Variants in ARFGEF3 observed in about 807,000 individuals in gnomAD.
ARFGEF3 encodes ARFGEF family member 3.
A neutral mutation model predicts 221.7 loss-of-function variants in ARFGEF3; 96 were observed. The observed-to-expected ratio is 0.43, with a 90% confidence interval of 0.37 to 0.51. The LOEUF is 0.51. Among genes scored for constraint, ARFGEF3 ranks in the 20% least tolerant of loss-of-function variants. The probability of loss-of-function intolerance (pLI) is 0.00; values close to 1 mark genes in which losing one functional copy is unlikely to be tolerated. For missense variants in ARFGEF3, 2,410 were observed against 2,789.9 expected, an observed-to-expected ratio of 0.86 and a Z score of 3.07; for synonymous variants, 1,145 against 1,126.8, an observed-to-expected ratio of 1.02 and a Z score of -0.32.
intron 24 of ARFGEF3, 24 bp from the exon 25 acceptor site, chr6:138,311,383 C>T (rs767229209): frequency 2.4e-5 from 36 of 1,517,118 alleles, no homozygotes; most frequent in Non-Finnish European, 3.3e-5. Flanking sequence ...CACTGTTGGT[C>T]TCTGTCTCCC....
In ARFGEF3 at chr6:138,334,922, A is replaced by G; in HGVS notation, c.6076A>G (p.Met2026Val). 4 of 1,590,038 alleles carry G rather than the reference A, an allele frequency of 2.5e-6. No individual in the cohort carries two copies. Among genetic ancestry groups the G allele is most frequent in the Middle Eastern group, 1.7e-4 (1 of 6,044 alleles). Residue 2026 changes from methionine (M) to valine (V), a missense_variant, in exon 33 of 34, where the codon ATG becomes GTG. Physicochemically the swap from Met to Val is conservative, Grantham distance 21. Coordinates refer to ENST00000251691, the MANE Select transcript of ARFGEF3 (RefSeq NM_020340.5). This position sits in a 1 kb window ranked among gnomAD's most constrained non-coding sequence, Gnocchi z 5.1. Reference sequence around the variant, plus strand: ...AGCCGACAAGACCATTTCAAAGTTGATGACCGAATACAAAAAGAGGAAACA... The same window carrying G: ...AGCCGACAAGACCATTTCAAAGTTGGTGACCGAATACAAAAAGAGGAAACA... ...MAADKTISKLMTEYKKRKQQH... is the reference protein window; with the variant it reads ...MAADKTISKLVTEYKKRKQQH...
rs530628105 is a variant in ARFGEF3 at position 138,269,824 on chromosome 6, A to G, written c.2128+6213A>G. Among the ~76,000 whole-genome samples, 7 of 152,172 alleles carry G rather than the reference A, an allele frequency of 4.6e-5. No homozygotes were observed. In the South Asian group the frequency reaches 1.2e-3, roughly 27 times the overall value. On this transcript the variant is annotated intron_variant, in intron 12 of 33. Transcript: ENST00000251691. Reference sequence around the variant, plus strand: ...CCCTATCTCAAAAAAAGAAGAAAAAAAAAGGCAATATTACTACAAAAGGAA... The same window carrying G: ...CCCTATCTCAAAAAAAGAAGAAAAAGAAAGGCAATATTACTACAAAAGGAA...
chr6:138,298,898 G>A, intron 22 of ARFGEF3, 113 bp downstream of exon 22: 2 of 852,830 alleles, frequency 2.3e-6, no homozygotes, highest in Non-Finnish European at 1.8e-6. Flanking sequence ...TGTGGAATCT[G>A]TAACGGAGAA....
rs375881551 is a variant in ARFGEF3 at position 138,313,855 on chromosome 6, G to A, written c.4261G>A (p.Gly1421Ser). ...KPIFLSGRLA[G>S]LPRRLQEQSA... ...AATATTCCTTAGTGGGAGACTTGCC[G>A]GCTTGCCTCGAAGACTTCAGGAACA... Residue 1421 changes from glycine to serine, a missense_variant, in exon 26 of 34, where the codon GGC (glycine) becomes AGC (serine). Coordinates refer to ENST00000251691, the MANE Select transcript of ARFGEF3 (RefSeq NM_020340.5). 56 of 1,613,776 alleles carry A rather than the reference G, an allele frequency of 3.5e-5. No homozygotes were observed. In the East Asian group the frequency reaches 6.5e-4, roughly 19 times the overall value.
rs1780466083 is a variant in ARFGEF3 at position 138,343,488 on chromosome 6, T to G, written c.*7002T>G. 1 of 152,078 alleles carries G rather than the reference T, an allele frequency of 6.6e-6. No homozygotes were observed. The highest frequency in any genetic ancestry group is 6.6e-5 in the Admixed American group (1 of 15,248). 9.4% of individuals were successfully genotyped at this position (152,078 alleles called of 1,614,324 possible). ...TTTTGGTTTTTTTTTTACTTTAGTTTCCCATAATTTTTGGAAATTATGTGT... is the reference window on the plus strand; with the variant it reads ...TTTTGGTTTTTTTTTTACTTTAGTTGCCCATAATTTTTGGAAATTATGTGT... On this transcript the variant is annotated 3_prime_UTR_variant, in exon 34 of 34. Coordinates refer to ENST00000251691, the MANE Select transcript of ARFGEF3 (RefSeq NM_020340.5).
chr6:138,255,015 C>T (rs1199864624), intron 9 of ARFGEF3, among the ~76,000 whole-genome samples: 2 of 152,180 alleles, frequency 1.3e-5, no homozygotes, highest in Non-Finnish European at 2.9e-5. Flanking sequence ...GTGACAGGCC[C>T]CACAGGCAGC....
At chr6:138,188,013 C>T (rs540939664) in intron 2 of ARFGEF3, among the ~76,000 whole-genome samples, 4 of 152,274 alleles carry the variant, frequency 2.6e-5, no homozygotes, top group African/African-American at 9.6e-5. Context: ...ACATGATAAG[C>T]TTTTGCTATA....
intron 5 of ARFGEF3, among the ~76,000 whole-genome samples, chr6:138,230,152 G>A (rs139980528): frequency 6.6e-5 from 10 of 152,012 alleles, no homozygotes; most frequent in South Asian, 2.1e-4. Flanking sequence ...TTGCTTTCTC[G>A]GTCTAATTTG....
chr6:138,318,055 A>C (rs1779957854), intron 27 of ARFGEF3, among the ~76,000 whole-genome samples: 1 of 152,188 alleles, frequency 6.6e-6, no homozygotes, highest in Non-Finnish European at 1.5e-5. Flanking sequence ...TCAGACCCTA[A>C]ATGAAGCCAC....
chr6:138,288,745 C>T (rs556725202), intron 17 of ARFGEF3, among the ~76,000 whole-genome samples: 33 of 152,278 alleles, frequency 2.2e-4, no homozygotes, highest in African/African-American at 7.2e-4. Context: ...CTAAAAATCA[C>T]TTTGCTCCTT....
Position 138,287,243 on chromosome 6 carries a change from C to CA in ARFGEF3, c.2896+60dup. 4.0e-6 allele frequency: 5 copies of CA among 1,234,958 alleles called. No individual in the cohort carries two copies. In the South Asian group the frequency reaches 6.5e-5, roughly 16 times the overall value. The allele number at this position is 1,234,958 out of a possible 1,614,324, so 76.5% of individuals were successfully genotyped here. ...CTTGGGTGCAGTATGCACACACCTG[C>CA]ACAGGCCTACACACGCCAGCCAACA... On this transcript the variant is annotated intron_variant, in intron 17 of 33. Transcript: ENST00000251691.
At chr6:138,323,946 T>C in intron 30 of ARFGEF3, 77 bp from the exon 31 acceptor site, 1 of 1,579,270 alleles carries the variant, frequency 6.3e-7, no homozygotes, top group East Asian at 2.2e-5. Flanking sequence ...TCAGACACAG[T>C]GACGATCTCA....
chr6:138,195,994 TA>T (rs61617065), intron 2 of ARFGEF3, among the ~76,000 whole-genome samples: 26,236 of 123,818 alleles, frequency 0.21, 3,015 homozygotes, highest in East Asian at 0.41. Context: ...AGTGTCTTGG[TA>T]AAAAAAAAAA....
chr6:138,196,015 GAAAA>G (rs34299963), intron 2 of ARFGEF3, among the ~76,000 whole-genome samples: 1 of 147,678 alleles, frequency 6.8e-6, no homozygotes, highest in South Asian at 2.1e-4. Flanking sequence ...AAAAAGAAAA[GAAAA>G]AAAAAGATCT....
At chr6:138,263,633 G>A (rs1778833419) in intron 12 of ARFGEF3, 22 bp downstream of exon 12, 3 of 1,565,414 alleles carry the variant, frequency 1.9e-6, no homozygotes, top group East Asian at 2.3e-5. Context: ...ATTCTCTGCT[G>A]TATAGTCAAC....
chr6:138,291,987 G>GCGGGAGCCT lies in ARFGEF3; in HGVS notation c.3304_3312dup (p.Gly1102_Leu1104dup). The GCGGGAGCCT allele has an allele frequency of 6.5e-7, 1 of 1,539,240 alleles. No individual in the cohort carries two copies. Among genetic ancestry groups the GCGGGAGCCT allele is most frequent in the Non-Finnish European group, 8.7e-7 (1 of 1,146,966 alleles). On this transcript the variant is annotated inframe_insertion, in exon 19 of 34. Coordinates refer to ENST00000251691, the MANE Select transcript of ARFGEF3 (RefSeq NM_020340.5). The surrounding 1 kb of genome is among the most constrained non-coding windows in gnomAD (Gnocchi z 4.5). Reference sequence around the variant, plus strand: ...CGGGGTCGGGCCTCCGACTTCCGCGGCGGGAGCCTCATGAGCGGGAGCAGC... The same window carrying GCGGGAGCCT: ...CGGGGTCGGGCCTCCGACTTCCGCGGCGGGAGCCTCGGGAGCCTCATGAGCGGGAGCAGC...
At chr6:138,272,687 C>G (rs1010288694) in intron 12 of ARFGEF3, among the ~76,000 whole-genome samples, 2 of 152,090 alleles carry the variant, frequency 1.3e-5, no homozygotes, top group African/African-American at 2.4e-5. Flanking sequence ...AAATTAGAGC[C>G]GTAGACTTAA....
chr6:138,308,999 C>A, intron 24 of ARFGEF3, 138 bp downstream of exon 24: 2 of 994,640 alleles, frequency 2.0e-6, no homozygotes, highest in Non-Finnish European at 3.0e-6. Context: ...GTGTTGTGTA[C>A]TCAAAAGCAA....
intron 2 of ARFGEF3, among the ~76,000 whole-genome samples, chr6:138,192,697 G>A (rs11759254): frequency 2.6e-5 from 4 of 152,128 alleles, no homozygotes; most frequent in Non-Finnish European, 4.4e-5. Context: ...GAGCTGGGGC[G>A]CTCCAGAGCA....
Sources: gnomAD v4.1 joint callset for allele counts (sites outside exome capture counted in the v4.1 genomes callset) on GRCh38, gnomAD v4.1.1 for gene constraint, Gnocchi (gnomAD v3.1) non-coding constraint, MANE v1.5 for transcripts, NCBI Gene and HGNC (gene_info 2026-07-23, HGNC 2026-07-21) for gene names.